The following WASF2 variants were observed in gnomAD, a reference collection of about 807,000 sequenced individuals.
The protein encoded by WASF2 is WASP family member 2.
WASF2 carries 14 observed loss-of-function variants against 45.0 expected under a neutral mutation model. The ratio of observed to expected loss-of-function variants is 0.31; its 90% CI spans 0.21 to 0.49. The LOEUF is 0.49. WASF2 is among the 20% of genes least tolerant of loss of function. WASF2 has a pLI of 0.99. For synonymous variants in WASF2, 200 were observed against 236.3 expected (o/e 0.85, Z 1.41); for missense variants, 439 against 636.1 (o/e 0.69, Z 3.33).
chr1:27,469,044 G>A (rs1256171406), intron 1 of WASF2, among the ~76,000 whole-genome samples: 1 of 152,202 alleles, frequency 6.6e-6, no homozygotes, highest in Non-Finnish European at 1.5e-5. Flanking sequence ...GGGATGAAGG[G>A]AGAGCAGAAA....
chr1:27,410,053 C>T lies in WASF2; in HGVS notation c.978G>A (p.Pro326=), dbSNP rs566561087. The change falls in exon 8 of 9, where the codon CCG becomes CCA. Residue 326 remains proline, a synonymous_variant. Coordinates refer to ENST00000618852, the MANE Select transcript of WASF2 (RefSeq NM_006990.5). The surrounding 1 kb of genome is among the most constrained non-coding windows in gnomAD (Gnocchi z 4.2). ...FAPPPAPPPP[P]PPMIGIPPPP... ...GAGGTGGGATGCCTATCATTGGAGG[C>T]GGAGGTGGCGGAGGGGCAGGTGGTG... The T allele has an allele frequency of 8.7e-6, 14 of 1,611,998 alleles. No homozygotes were observed. Among genetic ancestry groups the T allele is most frequent in the African/African-American group, 2.7e-5 (2 of 74,716 alleles).
chr1:27,425,927 C>T (rs1201340564), intron 2 of WASF2, among the ~76,000 whole-genome samples: 1 of 148,962 alleles, frequency 6.7e-6, no homozygotes, highest in African/African-American at 2.5e-5. Context: ...GCAGGAGAAT[C>T]ACTTGAACGC....
intron 1 of WASF2, among the ~76,000 whole-genome samples, chr1:27,445,727 G>A (rs1488738138): frequency 1.3e-5 from 2 of 152,116 alleles, no homozygotes; most frequent in African/African-American, 4.8e-5. Flanking sequence ...TTTTCAAACA[G>A]CTAGGCATTA....
chr1:27,405,599 C>CTTTTTTTTTTTTTTTTTTTTTT lies in WASF2; in HGVS notation c.*2568_*2589dup, dbSNP rs769753375. On this transcript the variant is annotated 3_prime_UTR_variant, in exon 9 of 9. Transcript: ENST00000618852. ...TAAAGGGCTCTGGGTCTAAAGAAGC[C>CTTTTTTTTTTTTTTTTTTTTTT]TTTTTTTTTTTTTTTTTTTTTTTTT... 1.1e-4 allele frequency: 6 copies of CTTTTTTTTTTTTTTTTTTTTTT among 56,638 alleles called. 2 individuals are homozygous for CTTTTTTTTTTTTTTTTTTTTTT. The highest frequency in any genetic ancestry group is 1.7e-3 in the South Asian group (2 of 1,176). 3.5% of individuals were successfully genotyped at this position (56,638 alleles called of 1,614,324 possible).
intron 1 of WASF2, among the ~76,000 whole-genome samples, chr1:27,482,719 T>G (rs1360525790): frequency 6.6e-6 from 1 of 152,208 alleles, no homozygotes; most frequent in Non-Finnish European, 1.5e-5. Flanking sequence ...AATGGTCACC[T>G]CCTGATTTTT....
chr1:27,448,720 T>C (rs1051220540), intron 1 of WASF2, among the ~76,000 whole-genome samples: 3 of 151,194 alleles, frequency 2.0e-5, no homozygotes, highest in Admixed American at 6.6e-5. Context: ...TGCATACCCA[T>C]AGTCCCAACT....
rs1557592973 is a variant in WASF2, at chr1:27,406,793, G to C, written c.*1396C>G. The C allele has an allele frequency of 6.6e-6, 1 of 152,254 alleles. No homozygotes were observed. Among genetic ancestry groups the C allele is most frequent in the Non-Finnish European group, 1.5e-5 (1 of 68,082 alleles). 9.4% of individuals were successfully genotyped at this position (152,254 alleles called of 1,614,324 possible). ...CTGGAGCCCCTCTGCCTTTCAGCCT[G>C]CTTCATGGCTGCCAGGCACCCCCCA... On this transcript the variant is annotated 3_prime_UTR_variant, in exon 9 of 9. Transcript: ENST00000618852.
chr1:27,437,493 T>C (rs1261096041), intron 1 of WASF2, among the ~76,000 whole-genome samples: 1 of 152,198 alleles, frequency 6.6e-6, no homozygotes, highest in Non-Finnish European at 1.5e-5. Context: ...GAGGAAAAGA[T>C]TTACCCGCAT....
intron 1 of WASF2, among the ~76,000 whole-genome samples, chr1:27,439,957 T>A (rs1285911297): frequency 1.3e-5 from 2 of 152,130 alleles, no homozygotes; most frequent in African/African-American, 4.8e-5. Context: ...CCAAGATCCA[T>A]GCCACTGCCC....
intron 1 of WASF2, among the ~76,000 whole-genome samples, chr1:27,450,997 G>C (rs1333155553): frequency 6.6e-6 from 1 of 151,646 alleles, no homozygotes; most frequent in East Asian, 2.0e-4. Flanking sequence ...GATCACTTGG[G>C]CCCAGGAATT....
intron 1 of WASF2, among the ~76,000 whole-genome samples, chr1:27,477,884 G>A (rs1247926839): frequency 1.0e-5 from 1 of 95,888 alleles, no homozygotes; most frequent in African/African-American, 6.5e-5. Context: ...GGGCTACAGA[G>A]CGAGACTCCG....
intron 1 of WASF2, among the ~76,000 whole-genome samples, chr1:27,433,781 G>GATAAA (rs1323958379): frequency 6.6e-6 from 1 of 152,194 alleles, no homozygotes; most frequent in African/African-American, 2.4e-5. Flanking sequence ...CTCACTAAGT[G>GATAAA]ATAAAATGTA....
chr1:27,428,763 A>G lies in WASF2; in HGVS notation c.128T>C (p.Leu43Pro). The change falls in exon 2 of 9, where the codon CTG becomes CCG. Residue 43 changes from leucine to proline, a missense_variant and splice_region_variant. This residue lies in a region of WASF2 where 16 missense variants were observed against 51.1 expected (regional missense o/e 0.31). Coordinates refer to ENST00000618852, the MANE Select transcript of WASF2 (RefSeq NM_006990.5). ...LANVIRQLGS[L>P]SKYAEDIFGE... ...CACAGGCTCTCTGAGGCACTCACTC[A>G]GGCTGCCCAGCTGTCGGATGACATT... The G allele has an allele frequency of 6.2e-7, 1 of 1,614,174 alleles. No homozygotes were observed. The highest frequency in any genetic ancestry group is 8.5e-7 in the Non-Finnish European group (1 of 1,180,018).
chr1:27,413,489 A>T (rs2016791789), intron 6 of WASF2, among the ~76,000 whole-genome samples: 1 of 152,260 alleles, frequency 6.6e-6, no homozygotes. Flanking sequence ...AACTCATCTA[A>T]AACAGACCTC....
chr1:27,472,971 CAAA>C (rs59391183), intron 1 of WASF2, among the ~76,000 whole-genome samples: 4 of 68,304 alleles, frequency 5.9e-5, no homozygotes, highest in Admixed American at 1.9e-4. Context: ...GACCTTGTCT[CAAA>C]AAAAAAAAAA....
chr1:27,480,963 G>C (rs2017839744), intron 1 of WASF2, among the ~76,000 whole-genome samples: 1 of 151,760 alleles, frequency 6.6e-6, no homozygotes, highest in Non-Finnish European at 1.5e-5. Flanking sequence ...GCGTGAACCT[G>C]GGAGGCAGAG....
intron 8 of WASF2, among the ~76,000 whole-genome samples, chr1:27,409,196 G>A (rs553197500): frequency 1.3e-5 from 2 of 151,856 alleles, no homozygotes; most frequent in South Asian, 2.1e-4. Context: ...AGGCCGAGGC[G>A]GGCGGATCAC....
intron 1 of WASF2, among the ~76,000 whole-genome samples, chr1:27,437,973 C>G (rs986588571): frequency 6.6e-6 from 1 of 152,220 alleles, no homozygotes; most frequent in African/African-American, 2.4e-5. Flanking sequence ...ATAACTCACA[C>G]AAGCCCCAAT....
intron 1 of WASF2, among the ~76,000 whole-genome samples, chr1:27,455,176 T>C (rs571713067): frequency 4.6e-5 from 7 of 152,286 alleles, no homozygotes; most frequent in Admixed American, 4.6e-4. Context: ...AATATATCAC[T>C]GCAGTTTTAA....
Sources: allele counts gnomAD v4.1 joint callset (sites outside exome capture counted in the v4.1 genomes callset), GRCh38; gene constraint gnomAD v4.1.1; regional missense constraint gnomAD v4.1.1; non-coding constraint Gnocchi (gnomAD v3.1); transcripts MANE v1.5; gene names NCBI Gene and HGNC (gene_info 2026-07-23, HGNC 2026-07-21).